ANKH: variants seen among roughly 807,000 people sequenced by gnomAD.
ANKH encodes ANKH inorganic pyrophosphate transport regulator, also known as mineralization regulator ANKH.
ANKH carries 15 observed loss-of-function variants against 49.0 expected under a neutral mutation model. The ratio of observed to expected loss-of-function variants is 0.31; its 90% CI spans 0.20 to 0.47. ANKH has a LOEUF of 0.47. ANKH is among the 20% of genes least tolerant of loss of function. ANKH has a pLI of 1.00. For missense variants in ANKH, 429 were observed against 652.0 expected (o/e 0.66, Z 3.72); for synonymous variants, 273 against 260.0 (o/e 1.05, Z -0.48).
In ANKH at chr5:14,711,162, T is replaced by TGACTGTCCCTGCAGTGCCCA. The variant is rs747828630; in HGVS notation, c.*15_*34dup. 1.3e-6 allele frequency: 2 copies of TGACTGTCCCTGCAGTGCCCA among 1,523,048 alleles called. No individual in the cohort carries two copies. The highest frequency in any genetic ancestry group is 9.1e-7 in the Non-Finnish European group (1 of 1,096,890). The allele number at this position is 1,523,048 out of a possible 1,614,324, so 94.3% of individuals were successfully genotyped here. ...GATGATGCCGAAGTGTCATCCTGAC[T>TGACTGTCCCTGCAGTGCCCA]GACTGTCCCTGCAGTGCCCATGGCG... On this transcript the variant is annotated 3_prime_UTR_variant, in exon 12 of 12. Transcript: ENST00000284268.
At chr5:14,714,196 C>T (rs1205039902) in intron 9 of ANKH, among the ~76,000 whole-genome samples, 1 of 152,246 alleles carries the variant, frequency 6.6e-6, no homozygotes, top group Non-Finnish European at 1.5e-5. Flanking sequence ...ACCACTTCCA[C>T]CGAGGTCACT....
chr5:14,761,145 C>T (rs1739063866), intron 2 of ANKH, among the ~76,000 whole-genome samples: 2 of 152,088 alleles, frequency 1.3e-5, no homozygotes, highest in Admixed American at 1.3e-4. Flanking sequence ...CAGCAAACAC[C>T]CAGAAGCTAG....
chr5:14,751,528 T>TA (rs1738717721), intron 4 of ANKH, among the ~76,000 whole-genome samples: 1 of 152,206 alleles, frequency 6.6e-6, no homozygotes, highest in Non-Finnish European at 1.5e-5. Context: ...GTTATTACTT[T>TA]AAAAAAATTT....
chr5:14,869,953 T>G (rs1735766955), intron 1 of ANKH: 1 of 152,182 alleles, frequency 6.6e-6, no homozygotes, highest in South Asian at 2.1e-4. Flanking sequence ...TGTAGTAAAT[T>G]CGTGTCTAAA....
chr5:14,755,061 C>CAAAAAA (rs71603737), intron 4 of ANKH, among the ~76,000 whole-genome samples: 7 of 90,784 alleles, frequency 7.7e-5, no homozygotes, highest in African/African-American at 2.1e-4. Flanking sequence ...AACTCTGTCT[C>CAAAAAA]AAAAAAAAAA....
At chr5:14,736,951 G>A (rs2126458418) in intron 8 of ANKH, among the ~76,000 whole-genome samples, 1 of 152,334 alleles carries the variant, frequency 6.6e-6, no homozygotes, top group Non-Finnish European at 1.5e-5. Flanking sequence ...ACTCCCCAAA[G>A]TACAGCAGAG....
At position 14,754,225 on chromosome 5, in the gene ANKH, T is replaced by C. The variant is rs73048872; in HGVS notation, c.516+1636A>G. Reference sequence around the variant, plus strand: ...GCAAGGGCCAGGATCAGGTTTAAAATAGAGAAGGAAAATGGCTGTAGGTGT... The same window carrying C: ...GCAAGGGCCAGGATCAGGTTTAAAACAGAGAAGGAAAATGGCTGTAGGTGT... On this transcript the variant is annotated intron_variant, in intron 4 of 11. Coordinates refer to ENST00000284268, the MANE Select transcript of ANKH (RefSeq NM_054027.6). Among the ~76,000 whole-genome samples, 183 of 152,254 alleles carry C rather than the reference T, an allele frequency of 1.2e-3. 2 individuals are homozygous for C. The highest frequency in any genetic ancestry group is 3.5e-3 in the African/African-American group (144 of 41,554).
Position 14,785,994 on chromosome 5 carries a change from C to T in ANKH, c.97-16803G>A, listed in dbSNP as rs573680542. 2.6e-3 allele frequency among the ~76,000 whole-genome samples: 362 copies of T among 137,278 alleles called. 2 individuals carry two copies. Among genetic ancestry groups the T allele is most frequent in the Non-Finnish European group, 3.8e-3 (249 of 66,260 alleles). The allele number at this position is 137,278 out of a possible 152,430, so 90.1% of individuals were successfully genotyped here. ...CCAGGAGGCACAGGTTGCAGTGAGC[C>T]GAGATCACGCCACTGTATTCTAGCC... is the stretch of plus-strand genomic sequence containing the variant. On this transcript the variant is annotated intron_variant, in intron 1 of 11. Transcript: ENST00000284268.
At chr5:14,806,551 GGCTGTGGCTGTA>G (rs1307896749) in intron 1 of ANKH, among the ~76,000 whole-genome samples, 1 of 152,228 alleles carries the variant, frequency 6.6e-6, no homozygotes, top group South Asian at 2.1e-4. Flanking sequence ...GAGTGGCTGT[GGCTGTGGCTGTA>G]GCTGTGGCAG....
chr5:14,733,273 C>T (rs930200194), intron 8 of ANKH, among the ~76,000 whole-genome samples: 30 of 152,154 alleles, frequency 2.0e-4, no homozygotes, highest in African/African-American at 7.2e-4. Flanking sequence ...CAAAAAGACC[C>T]CAGAAGAATT....
chr5:14,797,590 T>C (rs1222801951), intron 1 of ANKH: 14 of 1,609,744 alleles, frequency 8.7e-6, no homozygotes, highest in Middle Eastern at 2.2e-4. Flanking sequence ...GCAGTGTGAG[T>C]GTCAACTGAG....
chr5:14,796,548 G>A (rs112758366), intron 1 of ANKH, among the ~76,000 whole-genome samples: 3 of 150,244 alleles, frequency 2.0e-5, no homozygotes, highest in African/African-American at 7.3e-5. Flanking sequence ...ATACACTAAC[G>A]AGCAAAAATA....
chr5:14,771,941 A>C (rs1462913253), intron 1 of ANKH, among the ~76,000 whole-genome samples: 7 of 150,532 alleles, frequency 4.7e-5, no homozygotes, highest in Admixed American at 6.6e-5. Flanking sequence ...AAAAAAAAAA[A>C]AAAAAACCAA....
At chr5:14,855,068 C>T (rs1484820625) in intron 1 of ANKH, among the ~76,000 whole-genome samples, 2 of 152,208 alleles carry the variant, frequency 1.3e-5, no homozygotes, top group Admixed American at 6.5e-5. Flanking sequence ...CTCCTCCTGC[C>T]GTTCCCCTGG....
At chr5:14,818,328 C>CT (rs1741098146) in intron 1 of ANKH, among the ~76,000 whole-genome samples, 2 of 151,936 alleles carry the variant, frequency 1.3e-5, no homozygotes, top group Admixed American at 1.3e-4. Context: ...GCTATTCCAT[C>CT]TTTTTTTCTT....
intron 1 of ANKH, among the ~76,000 whole-genome samples, chr5:14,804,457 G>T (rs1740646461): frequency 6.6e-6 from 1 of 152,162 alleles, no homozygotes; most frequent in Non-Finnish European, 1.5e-5. Context: ...CCCCAAATAA[G>T]TAGTGTTGAA....
At chr5:14,833,382 C>T (rs1741560705) in intron 1 of ANKH, among the ~76,000 whole-genome samples, 1 of 152,200 alleles carries the variant, frequency 6.6e-6, no homozygotes, top group Non-Finnish European at 1.5e-5. Flanking sequence ...AGGGTGTTCG[C>T]TATTCATGGG....
At chr5:14,739,050 CAAGA>C (rs1484194971) in intron 8 of ANKH, among the ~76,000 whole-genome samples, 2 of 152,122 alleles carry the variant, frequency 1.3e-5, no homozygotes, top group African/African-American at 2.4e-5. Context: ...AAAAGATGTA[CAAGA>C]ATGAATACAG....
Position 14,871,470 on chromosome 5 carries a change from C to A in ANKH, c.-23G>T. The stretch of plus-strand genomic sequence containing the variant: ...CATAGTCCCCGCCGTGGGCTGACCC[C>A]ACACACATCTGCTGCCGCGAGGGGA... On this transcript the variant is annotated 5_prime_UTR_variant, in exon 1 of 12. Coordinates refer to ENST00000284268, the MANE Select transcript of ANKH (RefSeq NM_054027.6). 6.3e-7 allele frequency: 1 copy of A among 1,598,156 alleles called. No individual in the cohort carries two copies. The highest frequency in any genetic ancestry group is 8.6e-7 in the Non-Finnish European group (1 of 1,167,870).
Sources: gnomAD v4.1 joint callset for allele counts (sites outside exome capture counted in the v4.1 genomes callset) on GRCh38, gnomAD v4.1.1 for gene constraint, MANE v1.5 for transcripts, NCBI Gene and HGNC (gene_info 2026-07-23, HGNC 2026-07-21) for gene names.